WSCD2: variants seen among roughly 807,000 people sequenced by gnomAD.
The protein encoded by WSCD2 is sialate:O-sulfotransferase 2.
In WSCD2, 28 loss-of-function variants were observed where a neutral mutation model predicts 55.7. The ratio of observed to expected loss-of-function variants is 0.50; its 90% CI spans 0.37 to 0.69. The LOEUF is 0.69. WSCD2 is among the 30% of genes least tolerant of loss of function. WSCD2 has a pLI of 0.00. For synonymous variants in WSCD2, 301 were observed against 301.9 expected (o/e 1.00, Z 0.03); for missense variants, 616 against 762.1 (o/e 0.81, Z 2.26).
At position 108,153,641 on chromosome 12, in the gene WSCD2, C is replaced by T. The variant is rs184533538; in HGVS notation, c.-552+23715C>T. Among the ~76,000 whole-genome samples, 22 of 152,332 alleles carry T rather than the reference C, an allele frequency of 1.4e-4. No individual in the cohort carries two copies. In the South Asian group the frequency reaches 3.1e-3, roughly 22 times the overall value. ...GTGCAGAAACCTAGAAAAATTAGCT[C>T]TATGGAGAGGGTCACCTGCAGTGCC... On this transcript the variant is annotated intron_variant, in intron 1 of 8. Transcript: ENST00000547525.
chr12:108,158,006 C>CT (rs1220625728), intron 1 of WSCD2, among the ~76,000 whole-genome samples: 1 of 152,206 alleles, frequency 6.6e-6, no homozygotes, highest in Non-Finnish European at 1.5e-5. Context: ...CCACTACAGG[C>CT]TGTCTGAGGC....
chr12:108,169,223 A>G (rs1879969089), intron 1 of WSCD2, among the ~76,000 whole-genome samples: 1 of 152,246 alleles, frequency 6.6e-6, no homozygotes, highest in Non-Finnish European at 1.5e-5. Flanking sequence ...CACTGATTCT[A>G]CATTGTGGTG....
rs771433388 is a variant in WSCD2 at position 108,210,006 on chromosome 12, C to T, written c.498-115C>T. 1.1e-4 allele frequency: 149 copies of T among 1,411,334 alleles called. No homozygotes were observed. The highest frequency in any genetic ancestry group is 1.5e-4 in the Non-Finnish European group (149 of 1,026,434). 87.4% of individuals were successfully genotyped at this position (1,411,334 alleles called of 1,614,324 possible). A position where few individuals can be genotyped will look rare whatever the true frequency, so the allele number is the denominator to read the frequency against. On this transcript the variant is annotated intron_variant, in intron 3 of 8. Transcript: ENST00000547525. This position sits in a 1 kb window ranked among gnomAD's most constrained non-coding sequence, Gnocchi z 4.3. ...CTCCCATCAGCAGTCTCCCCATTTC[C>T]CCTGGGATCTCCTGGTCCCCAGAGC...
chr12:108,184,034 G>A (rs1425671407), intron 1 of WSCD2, among the ~76,000 whole-genome samples: 1 of 152,192 alleles, frequency 6.6e-6, no homozygotes, highest in Non-Finnish European at 1.5e-5. Flanking sequence ...GGGTGCCAAG[G>A]CTGAAGGCTG....
At chr12:108,138,111 C>G (rs1353744516) in intron 1 of WSCD2, among the ~76,000 whole-genome samples, 1 of 152,196 alleles carries the variant, frequency 6.6e-6, no homozygotes, top group Non-Finnish European at 1.5e-5. Flanking sequence ...TGTCTCATGA[C>G]ATTTGCTTTC....
intron 1 of WSCD2, among the ~76,000 whole-genome samples, chr12:108,180,384 C>T (rs1881562636): frequency 6.6e-6 from 1 of 152,194 alleles, no homozygotes; most frequent in Non-Finnish European, 1.5e-5. Flanking sequence ...AAATTTTCCT[C>T]AGAGATGATG....
intron 1 of WSCD2, among the ~76,000 whole-genome samples, chr12:108,185,229 G>A (rs192078712): frequency 6.6e-6 from 1 of 152,300 alleles, no homozygotes; most frequent in Admixed American, 6.5e-5. Context: ...CAGCCTCTGA[G>A]AAGTGGTCAC....
At chr12:108,159,516 ACT>A (rs1480492997) in intron 1 of WSCD2, among the ~76,000 whole-genome samples, 1 of 151,818 alleles carries the variant, frequency 6.6e-6, no homozygotes, top group African/African-American at 2.4e-5. Context: ...GGAGGGTAAG[ACT>A]CTTGTCTTGC....
intron 4 of WSCD2, among the ~76,000 whole-genome samples, chr12:108,222,112 TC>T (rs1593070619): frequency 6.6e-6 from 1 of 151,856 alleles, no homozygotes; most frequent in Non-Finnish European, 1.5e-5. Context: ...ATAAACACCT[TC>T]CCCCCACCCT....
chr12:108,209,546 T>A (rs1436830441), intron 3 of WSCD2, among the ~76,000 whole-genome samples: 1 of 151,988 alleles, frequency 6.6e-6, no homozygotes, highest in Non-Finnish European at 1.5e-5. Flanking sequence ...ACATGGTGTG[T>A]CTATGTGAGT....
intron 1 of WSCD2, among the ~76,000 whole-genome samples, chr12:108,134,336 G>A (rs185381830): frequency 8.5e-5 from 13 of 152,284 alleles, no homozygotes; most frequent in Admixed American, 3.3e-4. Context: ...TTTGGGGTTC[G>A]GCCATGTGAC....
intron 1 of WSCD2, among the ~76,000 whole-genome samples, chr12:108,158,424 C>T (rs931658554): frequency 7.0e-6 from 1 of 141,900 alleles, no homozygotes; most frequent in South Asian, 2.5e-4. Flanking sequence ...CGTTAGGCTG[C>T]GCATGTTCCC....
intron 2 of WSCD2, among the ~76,000 whole-genome samples, chr12:108,198,500 T>A (rs1278337969): frequency 6.6e-6 from 1 of 152,212 alleles, no homozygotes; most frequent in Non-Finnish European, 1.5e-5. Flanking sequence ...TGTCCCCTGA[T>A]AGAATATGAA....
intron 1 of WSCD2, among the ~76,000 whole-genome samples, chr12:108,184,281 G>A (rs970948124): frequency 3.3e-5 from 5 of 152,138 alleles, no homozygotes; most frequent in African/African-American, 9.7e-5. Context: ...TGTAGAGGTG[G>A]GCTGGGGAGC....
intron 1 of WSCD2, among the ~76,000 whole-genome samples, chr12:108,150,417 G>C (rs368422772): frequency 2.0e-5 from 3 of 152,118 alleles, no homozygotes; most frequent in Non-Finnish European, 4.4e-5. Context: ...GGTTTATTTC[G>C]GGGGACTGAA....
intron 1 of WSCD2, chr12:108,131,791 G>T (rs1385403414): frequency 6.6e-6 from 1 of 152,264 alleles, no homozygotes; most frequent in Non-Finnish European, 1.5e-5. Flanking sequence ...CTCCTAGTGG[G>T]GAGCCCAGGG....
In WSCD2 at chr12:108,248,110, G is replaced by T. The variant is rs766555585; in HGVS notation, c.1465G>T (p.Val489Phe). The T allele has an allele frequency of 6.2e-7, 1 of 1,614,224 alleles. No individual in the cohort carries two copies. The highest frequency in any genetic ancestry group is 1.7e-5 in the Admixed American group (1 of 60,026). The change falls in exon 9 of 9, where the codon GTC (valine) becomes TTC (phenylalanine). Residue 489 changes from valine to phenylalanine, a missense_variant. Physicochemically the swap from Val to Phe is conservative, Grantham distance 50. Around this residue, in one of 3 missense-constraint regions of WSCD2, gnomAD observed 234 missense variants for 264.6 expected, o/e 0.88. Coordinates refer to ENST00000547525, the MANE Select transcript of WSCD2 (RefSeq NM_014653.4). The surrounding 1 kb of genome is among the most constrained non-coding windows in gnomAD (Gnocchi z 4.3). ...TGAGGACCTGAAGCAGGACCTCTTTGTCCAGCTGGGCCGGATGGTCAGCCT... is the reference window on the plus strand; with the variant it reads ...TGAGGACCTGAAGCAGGACCTCTTTTTCCAGCTGGGCCGGATGGTCAGCCT... Reference protein sequence around the residue: ...HFEDLKQDLFVQLGRMVSLLG... With the variant: ...HFEDLKQDLFFQLGRMVSLLG...
intron 7 of WSCD2, among the ~76,000 whole-genome samples, chr12:108,236,438 C>T (rs1020752451): frequency 6.6e-6 from 1 of 152,066 alleles, no homozygotes; most frequent in Non-Finnish European, 1.5e-5. Flanking sequence ...AATGTAGGGA[C>T]CTCTCCCTCC....
intron 1 of WSCD2, among the ~76,000 whole-genome samples, chr12:108,184,916 T>C (rs1272204184): frequency 6.6e-6 from 1 of 152,214 alleles, no homozygotes; most frequent in Non-Finnish European, 1.5e-5. Flanking sequence ...TGTCACTTGC[T>C]GTAAGGAAGA....
Sources: gnomAD v4.1 joint callset for allele counts (sites outside exome capture counted in the v4.1 genomes callset) on GRCh38, gnomAD v4.1.1 for gene constraint, gnomAD v4.1.1 regional missense constraint, Gnocchi (gnomAD v3.1) non-coding constraint, MANE v1.5 for transcripts, NCBI Gene and HGNC (gene_info 2026-07-23, HGNC 2026-07-21) for gene names.